The following TSHZ2 variants were observed in gnomAD, a reference collection of about 807,000 sequenced individuals.
TSHZ2 encodes teashirt homolog 2.
In TSHZ2, 21 loss-of-function variants were observed where a neutral mutation model predicts 74.4. The ratio of observed to expected loss-of-function variants is 0.28; its 90% CI spans 0.20 to 0.41. The LOEUF (loss-of-function observed/expected upper bound fraction) is 0.41. Ranked by LOEUF, TSHZ2 falls within the 10% of genes least tolerant of loss-of-function variation. The pLI, the probability that TSHZ2 is intolerant of heterozygous loss-of-function variation, is 1.00. For synonymous variants in TSHZ2, 540 were observed against 515.3 expected (o/e 1.05, Z -0.65); for missense variants, 1,244 against 1,293.5 (o/e 0.96, Z 0.59).
At position 53,489,091 on chromosome 20, in the gene TSHZ2, A is replaced by G; in HGVS notation, c.*1956A>G. On this transcript the variant is annotated 3_prime_UTR_variant, in exon 3 of 3. Transcript: ENST00000371497. ...TAGCTTCATTGAAGTGTCAGCACTC[A>G]TCCATCAATCAATCACCCACAAGGA... 1 of 456,306 alleles carries G rather than the reference A, an allele frequency of 2.2e-6. No individual in the cohort carries two copies. Among genetic ancestry groups the G allele is most frequent in the Non-Finnish European group, 4.4e-6 (1 of 226,968 alleles). 28.3% of individuals were successfully genotyped at this position (456,306 alleles called of 1,614,324 possible).
chr20:53,042,145 A>G (rs56359207), intron 1 of TSHZ2, among the ~76,000 whole-genome samples: 10,806 of 152,310 alleles, frequency 0.071, 534 homozygotes, highest in South Asian at 0.15. Flanking sequence ...GTGTGTATGT[A>G]TATAAATATA....
intron 1 of TSHZ2, among the ~76,000 whole-genome samples, chr20:53,147,113 T>A (rs956524999): frequency 6.6e-6 from 1 of 152,214 alleles, no homozygotes; most frequent in South Asian, 2.1e-4. Context: ...TGCTTTTTGT[T>A]TTTTATTCTT....
chr20:53,371,430 G>C (rs1272585831), intron 2 of TSHZ2, among the ~76,000 whole-genome samples: 1 of 152,240 alleles, frequency 6.6e-6, no homozygotes, highest in African/African-American at 2.4e-5. Flanking sequence ...CAAGACCCAG[G>C]TCAAGTCAGA....
chr20:53,410,566 G>A (rs977103561), intron 2 of TSHZ2, among the ~76,000 whole-genome samples: 1 of 147,412 alleles, frequency 6.8e-6, no homozygotes, highest in African/African-American at 2.5e-5. Context: ...AAGAAGTTTG[G>A]GAATTCTGTT....
chr20:53,365,688 A>G lies in TSHZ2; in HGVS notation c.*8+109117A>G, dbSNP rs115450254. On this transcript the variant is annotated intron_variant, in intron 2 of 2. Transcript: ENST00000371497. Reference sequence around the variant, plus strand: ...ACCAGCTGGCAATGCTTACTCTACCATGTGGCTTCCAGGCTTTCAACAAAT... The same window carrying G: ...ACCAGCTGGCAATGCTTACTCTACCGTGTGGCTTCCAGGCTTTCAACAAAT... Among the ~76,000 whole-genome samples, 510 of 152,300 alleles carry G rather than the reference A, an allele frequency of 3.3e-3. 4 individuals carry two copies. The highest frequency in any genetic ancestry group is 0.031 in the Middle Eastern group (9 of 294).
At chr20:53,250,181 A>C (rs1990293418) in intron 1 of TSHZ2, among the ~76,000 whole-genome samples, 1 of 152,204 alleles carries the variant, frequency 6.6e-6, no homozygotes, top group Non-Finnish European at 1.5e-5. Context: ...TTCGACCCCC[A>C]ATCAACAAGG....
intron 1 of TSHZ2, among the ~76,000 whole-genome samples, chr20:53,068,031 C>T (rs917867557): frequency 7.9e-5 from 12 of 152,098 alleles, no homozygotes; most frequent in African/African-American, 2.7e-4. Flanking sequence ...CCTGTGCGTC[C>T]GTGTTGTCAG....
At chr20:53,240,974 A>G (rs1218215676) in intron 1 of TSHZ2, among the ~76,000 whole-genome samples, 3 of 152,182 alleles carry the variant, frequency 2.0e-5, no homozygotes, top group African/African-American at 7.2e-5. Flanking sequence ...AGAATATTAA[A>G]TCACCAGATA....
At chr20:52,995,058 T>C (rs954061384) in intron 1 of TSHZ2, among the ~76,000 whole-genome samples, 2 of 152,208 alleles carry the variant, frequency 1.3e-5, no homozygotes, top group African/African-American at 4.8e-5. Context: ...TGTTTCACTC[T>C]AAAGCCACAA....
chr20:53,241,655 T>C (rs996473834), intron 1 of TSHZ2, among the ~76,000 whole-genome samples: 1 of 152,094 alleles, frequency 6.6e-6, no homozygotes, highest in African/African-American at 2.4e-5. Flanking sequence ...TTTGTTCTTG[T>C]GATGGTAATG....
intron 2 of TSHZ2, among the ~76,000 whole-genome samples, chr20:53,346,871 G>C (rs1980460663): frequency 6.6e-6 from 1 of 152,228 alleles, no homozygotes; most frequent in East Asian, 1.9e-4. Flanking sequence ...CAGATACACA[G>C]AGTCTCAAAG....
chr20:53,220,831 G>A lies in TSHZ2; in HGVS notation c.41-32668G>A, dbSNP rs1001821142. ...AAAGAAGAAAAATTAAACACAGCAG[G>A]CCATGAGAAAACTGTTGTGAACTGG... On this transcript the variant is annotated intron_variant, in intron 1 of 2. Transcript: ENST00000371497. Among the ~76,000 whole-genome samples the A allele has an allele frequency of 2.6e-5, 4 of 152,152 alleles. No individual in the cohort carries two copies. The East Asian group carries it at 7.7e-4, about 29-fold the overall frequency.
intron 2 of TSHZ2, among the ~76,000 whole-genome samples, chr20:53,390,765 A>G (rs1285438915): frequency 1.3e-5 from 2 of 152,174 alleles, no homozygotes; most frequent in African/African-American, 4.8e-5. Flanking sequence ...CACTCCCACC[A>G]ACAGTGTGAA....
intron 1 of TSHZ2, among the ~76,000 whole-genome samples, chr20:53,214,254 G>T (rs927621994): frequency 6.6e-6 from 1 of 152,150 alleles, no homozygotes; most frequent in Non-Finnish European, 1.5e-5. Flanking sequence ...TTTATGTTAC[G>T]GGGGTGGCAG....
intron 2 of TSHZ2, among the ~76,000 whole-genome samples, chr20:53,472,576 A>C (rs1195869761): frequency 6.6e-6 from 1 of 152,170 alleles, no homozygotes; most frequent in Non-Finnish European, 1.5e-5. Context: ...ACTCACAGTC[A>C]CCAGCACGCA....
At chr20:53,466,553 A>C (rs1985570488) in intron 2 of TSHZ2, among the ~76,000 whole-genome samples, 1 of 152,126 alleles carries the variant, frequency 6.6e-6, no homozygotes, top group South Asian at 2.1e-4. Flanking sequence ...CAGCATGTAG[A>C]CCTCTTTCAA....
chr20:53,247,732 G>C (rs188294436), intron 1 of TSHZ2, among the ~76,000 whole-genome samples: 2 of 152,212 alleles, frequency 1.3e-5, no homozygotes, highest in African/African-American at 4.8e-5. Flanking sequence ...CATTTAGTGC[G>C]GTAGATTGGC....
chr20:53,144,835 G>A (rs925457296), intron 1 of TSHZ2, among the ~76,000 whole-genome samples: 6 of 151,198 alleles, frequency 4.0e-5, no homozygotes, highest in Non-Finnish European at 8.8e-5. Context: ...ATGTATGAAA[G>A]ATGAATTAAA....
chr20:52,985,951 G>A (rs1981737986), intron 1 of TSHZ2, among the ~76,000 whole-genome samples: 1 of 152,202 alleles, frequency 6.6e-6, no homozygotes, highest in South Asian at 2.1e-4. Context: ...TGAAAGTAAT[G>A]TCCCTTCTTC....
Sources: allele counts gnomAD v4.1 joint callset (sites outside exome capture counted in the v4.1 genomes callset), GRCh38; gene constraint gnomAD v4.1.1; transcripts MANE v1.5; gene names NCBI Gene and HGNC (gene_info 2026-07-23, HGNC 2026-07-21).